Variants in SLIT2 observed in about 807,000 individuals in gnomAD.
The protein encoded by SLIT2 is slit guidance ligand 2.
In SLIT2, 41 loss-of-function variants were observed where a neutral mutation model predicts 185.7. That is an observed-to-expected ratio of 0.22 (90% CI 0.17 to 0.29). SLIT2 has a LOEUF of 0.29. Ranked by LOEUF, SLIT2 falls within the 10% of genes least tolerant of loss-of-function variation. SLIT2 has a pLI of 1.00. For synonymous variants in SLIT2, 693 were observed against 680.2 expected (o/e 1.02, Z -0.29); for missense variants, 1,571 against 1,909.0 (o/e 0.82, Z 3.30).
intron 30 of SLIT2, among the ~76,000 whole-genome samples, chr4:20,594,052 A>G (rs1480639545): frequency 2.0e-5 from 3 of 148,460 alleles, no homozygotes; most frequent in African/African-American, 5.0e-5. Context: ...ACATATGTAC[A>G]TATTCTGCAA....
chr4:20,466,891 T>G (rs1714415726), intron 4 of SLIT2, among the ~76,000 whole-genome samples: 1 of 152,202 alleles, frequency 6.6e-6, no homozygotes, highest in Non-Finnish European at 1.5e-5. Context: ...TAATATTACT[T>G]AAAACTAGAT....
intron 15 of SLIT2, among the ~76,000 whole-genome samples, chr4:20,526,952 T>C (rs1002791249): frequency 3.3e-5 from 5 of 152,222 alleles, no homozygotes; most frequent in African/African-American, 1.2e-4. Context: ...TGCACTCTTA[T>C]TTCATTTTGG....
At chr4:20,538,177 G>T (rs1176633368) in intron 18 of SLIT2, among the ~76,000 whole-genome samples, 1 of 152,136 alleles carries the variant, frequency 6.6e-6, no homozygotes, top group Non-Finnish European at 1.5e-5. Context: ...AGCCAGGATG[G>T]TCTTGATCTC....
chr4:20,355,845 A>G (rs1722277129), intron 4 of SLIT2, among the ~76,000 whole-genome samples: 1 of 152,156 alleles, frequency 6.6e-6, no homozygotes, highest in South Asian at 2.1e-4. Flanking sequence ...AATTTTCCTT[A>G]AATAGCTATG....
chr4:20,265,848 C>G (rs948990558), intron 3 of SLIT2, among the ~76,000 whole-genome samples: 1 of 151,694 alleles, frequency 6.6e-6, no homozygotes, highest in Non-Finnish European at 1.5e-5. Flanking sequence ...GGAAAGCTTC[C>G]GCATTATATT....
At chr4:20,280,237 G>T (rs1714596249) in intron 4 of SLIT2, among the ~76,000 whole-genome samples, 1 of 151,360 alleles carries the variant, frequency 6.6e-6, no homozygotes, top group South Asian at 2.1e-4. Flanking sequence ...GGAGGCTGAG[G>T]CAGGAGAATG....
chr4:20,402,203 AC>A (rs1726416081), intron 4 of SLIT2, among the ~76,000 whole-genome samples: 1 of 151,798 alleles, frequency 6.6e-6, no homozygotes, highest in African/African-American at 2.4e-5. Context: ...AAGACATGGA[AC>A]CCAAATTTGA....
chr4:20,363,000 T>C (rs1366240804), intron 4 of SLIT2, among the ~76,000 whole-genome samples: 1 of 152,132 alleles, frequency 6.6e-6, no homozygotes, highest in Admixed American at 6.6e-5. Context: ...CAGTACACCT[T>C]CTGAGACTGA....
At chr4:20,598,467 T>G (rs2148962024) in intron 33 of SLIT2, 72 bp downstream of exon 33, 1 of 1,559,724 alleles carries the variant, frequency 6.4e-7, no homozygotes, top group South Asian at 1.1e-5. Flanking sequence ...CTCTATCATT[T>G]TATTATGGAG....
chr4:20,354,013 G>A (rs1020986919), intron 4 of SLIT2, among the ~76,000 whole-genome samples: 2 of 152,062 alleles, frequency 1.3e-5, no homozygotes, highest in African/African-American at 2.4e-5. Flanking sequence ...AAAATCATCC[G>A]TTATTCCAAA....
At chr4:20,587,830 G>A (rs191477524) in intron 29 of SLIT2, among the ~76,000 whole-genome samples, 52 of 152,276 alleles carry the variant, frequency 3.4e-4, no homozygotes, top group African/African-American at 1.1e-3. Flanking sequence ...TTGTATCAGA[G>A]TAAATAAAGA....
chr4:20,533,001 G>A (rs113850157), intron 17 of SLIT2, among the ~76,000 whole-genome samples: 1,919 of 152,188 alleles, frequency 0.013, 16 homozygotes, highest in Non-Finnish European at 0.019. Flanking sequence ...CCTATAAACA[G>A]TTGACCTCAA....
At position 20,472,621 on chromosome 4, in the gene SLIT2, G is replaced by GATATATATAGAT. The variant is rs1286682766; in HGVS notation, c.467+4804_467+4805insATAGATATATAT. On this transcript the variant is annotated intron_variant, in intron 5 of 36. Transcript: ENST00000504154. ...ATCTATAGATATATCTATATATATC[G>GATATATATAGAT]ATATATCTATATATATCGATATATA... 2.9e-5 allele frequency among the ~76,000 whole-genome samples: 2 copies of GATATATATAGAT among 69,946 alleles called. 1 individual carries two copies. The highest frequency in any genetic ancestry group is 4.9e-5 in the Non-Finnish European group (2 of 41,114). 45.9% of individuals were successfully genotyped at this position (69,946 alleles called of 152,430 possible).
intron 4 of SLIT2, among the ~76,000 whole-genome samples, chr4:20,320,821 T>C (rs569128970): frequency 2.0e-5 from 3 of 152,286 alleles, no homozygotes; most frequent in African/African-American, 4.8e-5. Flanking sequence ...AACTCTGTGC[T>C]AGAAAGGTTC....
chr4:20,495,518 C>CT (rs748500852), intron 9 of SLIT2, among the ~76,000 whole-genome samples: 43 of 152,192 alleles, frequency 2.8e-4, no homozygotes, highest in Non-Finnish European at 4.9e-4. Flanking sequence ...CTTATGTAGT[C>CT]TATTTTATTT....
chr4:20,340,312 G>C (rs1011708206), intron 4 of SLIT2, among the ~76,000 whole-genome samples: 1 of 151,894 alleles, frequency 6.6e-6, no homozygotes, highest in Non-Finnish European at 1.5e-5. Flanking sequence ...TCTAACCCTT[G>C]GGAAGAGAAG....
chr4:20,507,215 A>G (rs1203436777), intron 9 of SLIT2, among the ~76,000 whole-genome samples: 7 of 152,006 alleles, frequency 4.6e-5, no homozygotes, highest in Non-Finnish European at 8.8e-5. Flanking sequence ...TTTTCAAAAA[A>G]CAAGGCCTTA....
intron 9 of SLIT2, among the ~76,000 whole-genome samples, chr4:20,496,852 A>G (rs192831131): frequency 2.0e-5 from 3 of 152,298 alleles, no homozygotes; most frequent in Non-Finnish European, 1.5e-5. Flanking sequence ...ATGAAGCTGT[A>G]TTAACCAAAT....
At chr4:20,566,747 T>C (rs144526200) in intron 26 of SLIT2, among the ~76,000 whole-genome samples, 62 of 152,172 alleles carry the variant, frequency 4.1e-4, no homozygotes, top group African/African-American at 1.4e-3. Context: ...CTGTTTTGTA[T>C]CTCCTATATG....
Sources: gnomAD v4.1 joint callset for allele counts (sites outside exome capture counted in the v4.1 genomes callset) on GRCh38, gnomAD v4.1.1 for gene constraint, MANE v1.5 for transcripts, NCBI Gene and HGNC (gene_info 2026-07-23, HGNC 2026-07-21) for gene names.